RYR2: variants seen among roughly 807,000 people sequenced by gnomAD.
The protein encoded by RYR2 is cardiac muscle ryanodine receptor-calcium release channel.
RYR2 carries 227 observed loss-of-function variants against 601.1 expected under a neutral mutation model. The ratio of observed to expected loss-of-function variants is 0.38; its 90% CI spans 0.34 to 0.42. RYR2 has a LOEUF of 0.42. Among genes scored for constraint, RYR2 ranks in the 10% least tolerant of loss-of-function variants. The pLI, the probability that RYR2 is intolerant of heterozygous loss-of-function variation, is 1.00. For missense variants in RYR2, 4,646 were observed against 6,156.5 expected (o/e 0.75, Z 8.21); for synonymous variants, 2,223 against 2,175.1 (o/e 1.02, Z -0.61).
At chr1:237,825,406 C>G (rs772034739) in intron 101 of RYR2, among the ~76,000 whole-genome samples, 1 of 152,098 alleles carries the variant, frequency 6.6e-6, no homozygotes, top group Non-Finnish European at 1.5e-5. Context: ...CAAAAAGAAG[C>G]ACTGGGGAAA....
Position 237,171,301 on chromosome 1 carries a change from T to C in RYR2, c.49-99196T>C, listed in dbSNP as rs190542789. On this transcript the variant is annotated intron_variant, in intron 1 of 104. Transcript: ENST00000366574. ...AAAGTACTCTGCTTTAAAATGTCAG[T>C]AACAGTATACCTTTTGACATGTAGT... Among the ~76,000 whole-genome samples, 258 of 152,214 alleles carry C rather than the reference T, an allele frequency of 1.7e-3. 2 individuals are homozygous for C. The highest frequency in any genetic ancestry group is 4.4e-3 in the Admixed American group (67 of 15,278).
At chr1:237,169,174 C>G (rs977747545) in intron 1 of RYR2, among the ~76,000 whole-genome samples, 13 of 152,126 alleles carry the variant, frequency 8.5e-5, no homozygotes, top group Non-Finnish European at 1.2e-4. Flanking sequence ...AACATGTATT[C>G]ATCATTTTCT....
intron 29 of RYR2, among the ~76,000 whole-genome samples, chr1:237,582,779 T>C (rs1213796255): frequency 1.3e-5 from 2 of 152,182 alleles, no homozygotes; most frequent in Non-Finnish European, 2.9e-5. Context: ...TATTTCATGA[T>C]GTATGTGTAC....
chr1:237,195,708 T>A, intron 1 of RYR2, among the ~76,000 whole-genome samples: 1 of 152,230 alleles, frequency 6.6e-6, no homozygotes, highest in East Asian at 1.9e-4. Context: ...TCTAGTCTGG[T>A]CATTGTATAC....
chr1:237,151,821 T>G (rs975216848), intron 1 of RYR2, among the ~76,000 whole-genome samples: 2 of 152,188 alleles, frequency 1.3e-5, no homozygotes, highest in East Asian at 3.9e-4. Flanking sequence ...TGGACATTGA[T>G]CTTGCAGCTA....
At chr1:237,058,372 C>T (rs4233468) in intron 1 of RYR2, among the ~76,000 whole-genome samples, 149,141 of 152,292 alleles carry the variant, frequency 0.98, 73,087 homozygotes, top group Middle Eastern at 1. Context: ...AGAGTTTTTT[C>T]CTCCACATTT....
intron 12 of RYR2, among the ~76,000 whole-genome samples, chr1:237,431,747 C>A (rs1012142039): frequency 6.6e-6 from 1 of 152,038 alleles, no homozygotes; most frequent in Non-Finnish European, 1.5e-5. Context: ...GAGGGCAGAA[C>A]AGTATCTGTT....
intron 34 of RYR2, among the ~76,000 whole-genome samples, chr1:237,596,987 T>C (rs972505121): frequency 2.6e-5 from 4 of 152,184 alleles, no homozygotes; most frequent in African/African-American, 4.8e-5. Context: ...GGACCTGCCT[T>C]AGAAGAAATG....
intron 25 of RYR2, among the ~76,000 whole-genome samples, chr1:237,546,632 C>T (rs866028454): frequency 2.6e-5 from 4 of 152,152 alleles, no homozygotes; most frequent in South Asian, 2.1e-4. Context: ...CCACCTGCCT[C>T]GGCCTCCCAA....
chr1:237,793,422 T>TA (rs1172858235), intron 94 of RYR2, among the ~76,000 whole-genome samples: 1 of 152,222 alleles, frequency 6.6e-6, no homozygotes, highest in Non-Finnish European at 1.5e-5. Flanking sequence ...CAAAATAGTA[T>TA]GTGGTGATGC....
chr1:237,134,004 G>A (rs1037578480), intron 1 of RYR2, among the ~76,000 whole-genome samples: 13 of 151,456 alleles, frequency 8.6e-5, no homozygotes, highest in East Asian at 3.9e-4. Context: ...GGTTGTCCAC[G>A]TTTCCGTTGG....
intron 29 of RYR2, among the ~76,000 whole-genome samples, chr1:237,572,234 T>C (rs1480150976): frequency 2.0e-5 from 3 of 152,192 alleles, no homozygotes; most frequent in Admixed American, 6.5e-5. Flanking sequence ...CTACACTGGC[T>C]GCTACTATGG....
rs1558176382 is a variant in RYR2, at chr1:237,666,504, T to C, written c.8437-8T>C. ...ATGAGGCACTGTTTTTTCACACAAA[T>C]GATCTAGGTTTCTGTGGACGCTGCC... On this transcript the variant is annotated splice_polypyrimidine_tract_variant and splice_region_variant and intron_variant, in intron 56 of 104. Coordinates refer to ENST00000366574, the MANE Select transcript of RYR2 (RefSeq NM_001035.3). 2.5e-6 allele frequency: 4 copies of C among 1,609,130 alleles called. No individual in the cohort carries two copies. The highest frequency in any genetic ancestry group is 3.4e-6 in the Non-Finnish European group (4 of 1,177,794).
At chr1:237,751,347 G>A (rs1031282024) in intron 80 of RYR2, among the ~76,000 whole-genome samples, 32 of 152,174 alleles carry the variant, frequency 2.1e-4, no homozygotes, top group Non-Finnish European at 5.9e-5. Flanking sequence ...TCCCTCTAAT[G>A]ATGAGTCAAC....
intron 1 of RYR2, among the ~76,000 whole-genome samples, chr1:237,072,492 A>G (rs1345408298): frequency 6.6e-6 from 1 of 152,024 alleles, no homozygotes; most frequent in Non-Finnish European, 1.5e-5. Context: ...TTCATTAGAG[A>G]TTTTTTCTTT....
chr1:237,705,329 C>T lies in RYR2; in HGVS notation c.9566C>T (p.Ser3189Leu). Reference sequence around the variant, plus strand: ...TACTCCATCTACAATACCAAGTCTTCACGAGAAAGAGCAGGTAACACAGAA... The same window carrying T: ...TACTCCATCTACAATACCAAGTCTTTACGAGAAAGAGCAGGTAACACAGAA... ...NIYSIYNTKS[S>L]RERAALSLPT... Residue 3189 changes from serine (S) to leucine (L), a missense_variant, in exon 67 of 105, where the codon TCA (serine) becomes TTA (leucine). Coordinates refer to ENST00000366574, the MANE Select transcript of RYR2 (RefSeq NM_001035.3). 6.2e-7 allele frequency: 1 copy of T among 1,604,824 alleles called. No individual in the cohort carries two copies. The highest frequency in any genetic ancestry group is 1.1e-5 in the South Asian group (1 of 89,304).
At chr1:237,796,178 A>T (rs1659202008) in intron 96 of RYR2, among the ~76,000 whole-genome samples, 1 of 152,064 alleles carries the variant, frequency 6.6e-6, no homozygotes, top group Admixed American at 6.6e-5. Flanking sequence ...AAAAGCTGTG[A>T]AAGAATAATT....
intron 2 of RYR2, among the ~76,000 whole-genome samples, chr1:237,274,049 A>G (rs1025996360): frequency 6.8e-6 from 1 of 146,824 alleles, no homozygotes; most frequent in East Asian, 2.0e-4. Context: ...AATATTTATA[A>G]TATATTATAA....
At position 237,616,729 on chromosome 1, in the gene RYR2, CA is replaced by C. The variant is rs562736898; in HGVS notation, c.5716-556del. Among the ~76,000 whole-genome samples the C allele has an allele frequency of 1.1e-3, 170 of 152,276 alleles. 1 individual carries two copies. Among genetic ancestry groups the C allele is most frequent in the African/African-American group, 3.3e-3 (136 of 41,560 alleles). ...GAGGGTAAGTGTATTAGTTCGTTCT[CA>C]CACTGCTAATAAAGACATACCTGAG... On this transcript the variant is annotated intron_variant, in intron 37 of 104. Coordinates refer to ENST00000366574, the MANE Select transcript of RYR2 (RefSeq NM_001035.3).
Sources: allele counts gnomAD v4.1 joint callset (sites outside exome capture counted in the v4.1 genomes callset), GRCh38; gene constraint gnomAD v4.1.1; transcripts MANE v1.5; gene names NCBI Gene and HGNC (gene_info 2026-07-23, HGNC 2026-07-21).